KAZN: variants seen among roughly 807,000 people sequenced by gnomAD.
KAZN encodes the protein kazrin.
KAZN carries 40 observed loss-of-function variants against 87.4 expected under a neutral mutation model. That is an observed-to-expected ratio of 0.46 (90% CI 0.36 to 0.60). The LOEUF is 0.60. Among genes scored for constraint, KAZN ranks in the 20% least tolerant of loss-of-function variants. The probability of loss-of-function intolerance (pLI) is 0.00; values close to 1 mark genes in which losing one functional copy is unlikely to be tolerated. For missense variants in KAZN, 898 were observed against 1,073.9 expected (o/e 0.84, Z 2.29); for synonymous variants, 466 against 458.3 (o/e 1.02, Z -0.22).
intron 1 of KAZN, among the ~76,000 whole-genome samples, chr1:14,059,093 C>A (rs909549575): frequency 5.3e-5 from 8 of 152,186 alleles, no homozygotes; most frequent in African/African-American, 1.9e-4. Flanking sequence ...TGAGAATTAT[C>A]TTCTTTTAAC....
At chr1:14,929,699 C>A in intron 1 of KAZN, 1 of 877,784 alleles carries the variant, frequency 1.1e-6, no homozygotes, top group Non-Finnish European at 1.4e-6. Context: ...TCCAGAGAGA[C>A]AGGCATGGTT....
chr1:14,756,892 G>C (rs1253583648), intron 1 of KAZN, among the ~76,000 whole-genome samples: 1 of 152,212 alleles, frequency 6.6e-6, no homozygotes, highest in Non-Finnish European at 1.5e-5. Context: ...AAAACCTTTT[G>C]TATTTCTGCC....
At chr1:15,080,379 G>T (rs1254725471) in intron 8 of KAZN, among the ~76,000 whole-genome samples, 1 of 152,160 alleles carries the variant, frequency 6.6e-6, no homozygotes, top group Non-Finnish European at 1.5e-5. Context: ...GGTGAGCCTG[G>T]CCCTGGGGTC....
rs968455893 is a variant in KAZN at position 14,774,293 on chromosome 1, G to A, written c.226+175070G>A. On this transcript the variant is annotated intron_variant, in intron 1 of 14. Coordinates refer to ENST00000376030, the MANE Select transcript of KAZN (RefSeq NM_201628.3). ...GCCTCACTTCTTTTCTCTGTAAAATGGGATCATAATGCCAACCCCACAGGC... is the reference window on the plus strand; with the variant it reads ...GCCTCACTTCTTTTCTCTGTAAAATAGGATCATAATGCCAACCCCACAGGC... Among the ~76,000 whole-genome samples, 4 of 151,996 alleles carry A rather than the reference G, an allele frequency of 2.6e-5. No homozygotes were observed. In the South Asian group the frequency reaches 8.3e-4, roughly 32 times the overall value.
chr1:14,345,170 A>T (rs1658019699), intron 2 of KAZN, among the ~76,000 whole-genome samples: 1 of 152,064 alleles, frequency 6.6e-6, no homozygotes. Flanking sequence ...TGCCTGCCTC[A>T]GCCTCCCAAA....
chr1:14,459,857 G>T (rs1463021057), intron 2 of KAZN, among the ~76,000 whole-genome samples: 1 of 152,194 alleles, frequency 6.6e-6, no homozygotes, highest in East Asian at 1.9e-4. Context: ...GATTTTGGCT[G>T]CTGTCACCCA....
Position 15,039,388 on chromosome 1 carries a change from C to A in KAZN, c.555+4503C>A, listed in dbSNP as rs1672674657. Reference sequence around the variant, plus strand: ...ACTGGGCCTGGCCTGGGCCACCGTCCCCACACCACTCAGTGCATGTTCAGA... The same window carrying A: ...ACTGGGCCTGGCCTGGGCCACCGTCACCACACCACTCAGTGCATGTTCAGA... On this transcript the variant is annotated intron_variant, in intron 3 of 14. Coordinates refer to ENST00000376030, the MANE Select transcript of KAZN (RefSeq NM_201628.3). 5.3e-5 allele frequency among the ~76,000 whole-genome samples: 8 copies of A among 152,222 alleles called. No homozygotes were observed. The South Asian group carries it at 1.5e-3, about 28-fold the overall frequency.
chr1:13,958,084 A>C (rs895173294), intron 1 of KAZN, among the ~76,000 whole-genome samples: 2 of 152,152 alleles, frequency 1.3e-5, no homozygotes, highest in African/African-American at 4.8e-5. Context: ...TTTATTAAGC[A>C]TTTACCATGT....
chr1:14,418,129 T>TC (rs1256238960), intron 2 of KAZN, among the ~76,000 whole-genome samples: 2 of 143,924 alleles, frequency 1.4e-5, no homozygotes, highest in Non-Finnish European at 3.0e-5. Context: ...CCACGGCATA[T>TC]CCTGTGGGTC....
At chr1:14,284,427 C>T (rs1263788574) in intron 2 of KAZN, among the ~76,000 whole-genome samples, 1 of 147,172 alleles carries the variant, frequency 6.8e-6, no homozygotes, top group Non-Finnish European at 1.5e-5. Flanking sequence ...GTCCCTGTGG[C>T]AGGAGAGAAT....
At chr1:15,050,781 C>T (rs879406292) in intron 4 of KAZN, among the ~76,000 whole-genome samples, 15 of 151,762 alleles carry the variant, frequency 9.9e-5, no homozygotes, top group South Asian at 2.1e-4. Flanking sequence ...ACCTGAGCCA[C>T]GCCTGTCGTT....
chr1:15,080,853 G>T (rs1639972922), intron 8 of KAZN, among the ~76,000 whole-genome samples: 1 of 152,166 alleles, frequency 6.6e-6, no homozygotes, highest in South Asian at 2.1e-4. Flanking sequence ...GGGCATGCTG[G>T]GGACGCTGGG....
In KAZN at chr1:14,380,908, A is replaced by G. The variant is rs1255961227; in HGVS notation, c.249+200316A>G. 2.6e-5 allele frequency among the ~76,000 whole-genome samples: 4 copies of G among 152,228 alleles called. No homozygotes were observed. The South Asian group carries it at 6.2e-4, about 24-fold the overall frequency. ...TACCAAGCAGTTTAACCCAAAGAAGACTACATCAAGGCATTTAATAATCAA... is the reference window on the plus strand; with the variant it reads ...TACCAAGCAGTTTAACCCAAAGAAGGCTACATCAAGGCATTTAATAATCAA... On this transcript the variant is annotated intron_variant, in intron 2 of 16. Coordinates refer to the KAZN transcript ENST00000636203.
At chr1:14,815,924 G>A (rs951771349) in intron 1 of KAZN, among the ~76,000 whole-genome samples, 5 of 152,146 alleles carry the variant, frequency 3.3e-5, no homozygotes, top group African/African-American at 7.2e-5. Flanking sequence ...TTCCAGCCTC[G>A]AGGCAAATGA....
chr1:14,317,456 C>T (rs1655730673), intron 2 of KAZN, among the ~76,000 whole-genome samples: 1 of 151,766 alleles, frequency 6.6e-6, no homozygotes, highest in African/African-American at 2.4e-5. Context: ...ATAATTGGTT[C>T]TTGCTTTCTA....
At chr1:15,043,295 A>G (rs1673106945) in intron 3 of KAZN, among the ~76,000 whole-genome samples, 1 of 152,238 alleles carries the variant, frequency 6.6e-6, no homozygotes, top group African/African-American at 2.4e-5. Flanking sequence ...ACAAAGCCCC[A>G]GAACAACTAT....
At chr1:14,609,971 G>A (rs369131354) in intron 1 of KAZN, among the ~76,000 whole-genome samples, 10 of 152,334 alleles carry the variant, frequency 6.6e-5, no homozygotes, top group South Asian at 6.2e-4. Context: ...TCTGACCTTC[G>A]CTGGGCCACG....
intron 1 of KAZN, among the ~76,000 whole-genome samples, chr1:13,909,822 G>A (rs189807802): frequency 5.9e-5 from 9 of 152,264 alleles, no homozygotes; most frequent in Middle Eastern, 6.8e-3. Context: ...AATCTGTAGC[G>A]GTGGAAATGT....
At chr1:15,022,501 A>T (rs1202985231) in intron 2 of KAZN, among the ~76,000 whole-genome samples, 2 of 152,238 alleles carry the variant, frequency 1.3e-5, no homozygotes, top group African/African-American at 4.8e-5. Context: ...CTGAGAGTCC[A>T]GGCCTCTGTC....
Sources: gnomAD v4.1 joint callset for allele counts (sites outside exome capture counted in the v4.1 genomes callset) on GRCh38, gnomAD v4.1.1 for gene constraint, MANE v1.5 for transcripts, NCBI Gene and HGNC (gene_info 2026-07-23, HGNC 2026-07-21) for gene names.